DPP10: variants seen among roughly 807,000 people sequenced by gnomAD.
DPP10 encodes dipeptidyl peptidase like 10, also known as inactive dipeptidyl peptidase 10.
A neutral mutation model predicts 120.9 loss-of-function variants in DPP10; 33 were observed. The ratio of observed to expected loss-of-function variants is 0.27; its 90% CI spans 0.21 to 0.37. The LOEUF (loss-of-function observed/expected upper bound fraction) is 0.37. Among genes scored for constraint, DPP10 ranks in the 10% least tolerant of loss-of-function variants. The pLI is 1.00. For missense variants in DPP10, 816 were observed against 942.8 expected, an observed-to-expected ratio of 0.87 and a Z score of 1.76; for synonymous variants, 337 against 326.1, an observed-to-expected ratio of 1.03 and a Z score of -0.36.
intron 11 of DPP10, among the ~76,000 whole-genome samples, chr2:115,755,898 T>G (rs573550298): frequency 2.7e-5 from 4 of 149,714 alleles, no homozygotes; most frequent in Admixed American, 2.0e-4. Flanking sequence ...CATATATACT[T>G]TTTAAAAAGT....
At chr2:114,797,512 G>A (rs1307737442) in intron 1 of DPP10, among the ~76,000 whole-genome samples, 2 of 152,150 alleles carry the variant, frequency 1.3e-5, no homozygotes, top group African/African-American at 2.4e-5. Context: ...AAAAAGTAAG[G>A]AAGTAGTCAA....
chr2:114,684,534 A>G (rs761644308), intron 1 of DPP10, among the ~76,000 whole-genome samples: 3 of 151,988 alleles, frequency 2.0e-5, no homozygotes, highest in Non-Finnish European at 4.4e-5. Flanking sequence ...TTTCTTCAGC[A>G]CTTTGTTAAA....
intron 1 of DPP10, chr2:115,143,916 T>C (rs571647237): frequency 2.3e-5 from 3 of 129,244 alleles, no homozygotes; most frequent in African/African-American, 7.5e-5. Context: ...CTCAGAAGAA[T>C]AGTATTTTTT....
chr2:115,072,539 A>G (rs1054954597), intron 1 of DPP10, among the ~76,000 whole-genome samples: 2 of 152,184 alleles, frequency 1.3e-5, no homozygotes, highest in Non-Finnish European at 2.9e-5. Context: ...CTATCTTCAG[A>G]AAATTGTGCT....
At chr2:114,964,047 A>C (rs1418489357) in intron 1 of DPP10, among the ~76,000 whole-genome samples, 1 of 152,134 alleles carries the variant, frequency 6.6e-6, no homozygotes, top group Non-Finnish European at 1.5e-5. Context: ...CCACCCATAG[A>C]CCTTTCACTA....
At chr2:115,497,994 CAGA>C (rs2076490547) in intron 3 of DPP10, among the ~76,000 whole-genome samples, 1 of 151,762 alleles carries the variant, frequency 6.6e-6, no homozygotes, top group Admixed American at 6.6e-5. Context: ...AAAAGAAGTT[CAGA>C]AGGTGATACA....
chr2:115,026,539 C>A (rs567953713), intron 1 of DPP10, among the ~76,000 whole-genome samples: 1 of 151,772 alleles, frequency 6.6e-6, no homozygotes, highest in Non-Finnish European at 1.5e-5. Flanking sequence ...TATTCCTTTT[C>A]TTTGTTTTCT....
intron 1 of DPP10, among the ~76,000 whole-genome samples, chr2:115,218,817 T>G (rs995725003): frequency 1.1e-4 from 16 of 152,250 alleles, no homozygotes; most frequent in Admixed American, 1.0e-3. Context: ...GACCATAATT[T>G]GAACAGAAAA....
intron 1 of DPP10, among the ~76,000 whole-genome samples, chr2:115,098,146 A>T (rs892553738): frequency 6.6e-6 from 1 of 152,150 alleles, no homozygotes; most frequent in African/African-American, 2.4e-5. Context: ...ATGGGTGCAC[A>T]CGCATGGTTG....
At chr2:114,832,692 TA>T (rs1687246857) in intron 1 of DPP10, among the ~76,000 whole-genome samples, 1 of 152,220 alleles carries the variant, frequency 6.6e-6, no homozygotes, top group Non-Finnish European at 1.5e-5. Context: ...CAGAGATATC[TA>T]ATAGCCCAAA....
intron 1 of DPP10, among the ~76,000 whole-genome samples, chr2:115,108,155 T>A (rs1319476691): frequency 6.6e-6 from 1 of 152,160 alleles, no homozygotes; most frequent in Non-Finnish European, 1.5e-5. Flanking sequence ...ATCTACCTAT[T>A]CCTAATATGT....
intron 1 of DPP10, among the ~76,000 whole-genome samples, chr2:115,007,960 G>C (rs1387467983): frequency 2.0e-5 from 3 of 151,982 alleles, no homozygotes; most frequent in Non-Finnish European, 2.9e-5. Flanking sequence ...ATTCCATGCT[G>C]ATGGATAGGA....
chr2:115,242,409 A>G (rs1447150858), intron 1 of DPP10, among the ~76,000 whole-genome samples: 1 of 152,010 alleles, frequency 6.6e-6, no homozygotes, highest in African/African-American at 2.4e-5. Flanking sequence ...CCACTCATCG[A>G]TTGATGGGCA....
intron 3 of DPP10, among the ~76,000 whole-genome samples, chr2:115,350,359 G>C (rs1382529493): frequency 6.6e-6 from 1 of 152,038 alleles, no homozygotes; most frequent in Non-Finnish European, 1.5e-5. Context: ...CTGTTAGAGT[G>C]ATTGAGTTGT....
intron 5 of DPP10, among the ~76,000 whole-genome samples, chr2:115,658,615 T>G (rs1384775203): frequency 6.6e-6 from 1 of 152,164 alleles, no homozygotes. Context: ...AACTATGACC[T>G]TGTCATTCAA....
At chr2:115,345,920 G>A (rs973919077) in intron 3 of DPP10, among the ~76,000 whole-genome samples, 13 of 152,108 alleles carry the variant, frequency 8.5e-5, no homozygotes, top group African/African-American at 3.1e-4. Flanking sequence ...AAGCTGCAGT[G>A]TTATTATAAT....
chr2:115,559,331 A>G (rs2080419967), intron 5 of DPP10, among the ~76,000 whole-genome samples: 1 of 152,196 alleles, frequency 6.6e-6, no homozygotes, highest in African/African-American at 2.4e-5. Flanking sequence ...GTACTAATTT[A>G]AAGTTAGTAG....
intron 7 of DPP10, among the ~76,000 whole-genome samples, chr2:115,703,965 T>A (rs1034967765): frequency 2.0e-5 from 3 of 151,944 alleles, no homozygotes; most frequent in Non-Finnish European, 4.4e-5. Flanking sequence ...TGTTCTCACA[T>A]CTCCAGTCAT....
chr2:114,849,023 A>G (rs1031248847), intron 1 of DPP10, among the ~76,000 whole-genome samples: 1 of 152,180 alleles, frequency 6.6e-6, no homozygotes, highest in South Asian at 2.1e-4. Flanking sequence ...CACTAATCCC[A>G]TTCATGAGAG....
Sources: allele counts gnomAD v4.1 joint callset (sites outside exome capture counted in the v4.1 genomes callset), GRCh38; gene constraint gnomAD v4.1.1; transcripts MANE v1.5; gene names NCBI Gene and HGNC (gene_info 2026-07-23, HGNC 2026-07-21).